FAH: variants seen among roughly 807,000 people sequenced by gnomAD.
FAH encodes the protein fumarylacetoacetate hydrolase, also known as fumarylacetoacetase.
FAH carries 47 observed loss-of-function variants against 55.8 expected under a neutral mutation model. That is an observed-to-expected ratio of 0.84 (90% confidence interval 0.67 to 1.07). The LOEUF (loss-of-function observed/expected upper bound fraction) is 1.07, where lower values mean the gene tolerates loss of function less well. Ranked by LOEUF, FAH falls within the 50% of genes least tolerant of loss-of-function variation. The probability of loss-of-function intolerance (pLI) is 0.00; values close to 1 mark genes in which losing one functional copy is unlikely to be tolerated. For missense variants in FAH, 495 were observed against 545.9 expected, an observed-to-expected ratio of 0.91 and a Z score of 0.93; for synonymous variants, 199 against 207.7, an observed-to-expected ratio of 0.96 and a Z score of 0.36.
rs1051755155 is a variant in FAH, at chr15:80,158,575, G to A, written c.192+405G>A. ...CCTCCAGTTCTGTGGAAGCAGCTAC[G>A]GAGGAGTCAGCCTGAAGTACATGTT... On this transcript the variant is annotated intron_variant, in intron 2 of 13. Transcript: ENST00000561421. Among the ~76,000 whole-genome samples the A allele has an allele frequency of 2.6e-5, 4 of 152,334 alleles. No homozygotes were observed. In the East Asian group the frequency reaches 5.8e-4, roughly 22 times the overall value.
intron 1 of FAH, among the ~76,000 whole-genome samples, chr15:80,154,727 A>T (rs1450241059): frequency 6.6e-6 from 1 of 152,164 alleles, no homozygotes; most frequent in Non-Finnish European, 1.5e-5. Context: ...TTTTTTATTC[A>T]GCGAATGCTT....
chr15:80,186,491 T>A (rs1196952177), downstream of FAH: 1 of 499,328 alleles, frequency 2.0e-6, no homozygotes, highest in African/African-American at 1.9e-5. Flanking sequence ...TTATTAGACA[T>A]CCCAGGCCTC....
At chr15:80,168,423 G>A (rs1464855543) in intron 7 of FAH, 107 bp downstream of exon 7, 1 of 1,105,804 alleles carries the variant, frequency 9.0e-7, no homozygotes, top group East Asian at 2.4e-5. Flanking sequence ...CTCCTCTTCA[G>A]CCACATCGGC....
chr15:80,168,371 G>C, intron 7 of FAH, 55 bp downstream of exon 7: 1 of 1,591,154 alleles, frequency 6.3e-7, no homozygotes, highest in Non-Finnish European at 8.6e-7. Context: ...CGGCAGGAGA[G>C]CCCTTTGGGA....
intron 7 of FAH, among the ~76,000 whole-genome samples, chr15:80,169,246 G>A (rs1287281842): frequency 6.6e-6 from 1 of 152,034 alleles, no homozygotes. Flanking sequence ...AGCTGGGGAT[G>A]GTGGTGGGTG....
intron 8 of FAH, 30 bp from the exon 9 acceptor site, chr15:80,172,984 G>T: frequency 1.2e-6 from 2 of 1,614,192 alleles, no homozygotes; most frequent in Non-Finnish European, 1.7e-6. Context: ...ATCAGCCTTT[G>T]TAAGTCCTGG....
At chr15:80,174,773 C>T (rs566854640) in intron 9 of FAH, among the ~76,000 whole-genome samples, 1 of 152,316 alleles carries the variant, frequency 6.6e-6, no homozygotes, top group African/African-American at 2.4e-5. Context: ...TGGTTTGGCT[C>T]CTGTGACCTT....
At position 80,153,145 on chromosome 15, in the gene FAH, G is replaced by C; in HGVS notation, c.81+10G>C. On this transcript the variant is annotated intron_variant, in intron 1 of 13. Transcript: ENST00000561421. Reference sequence around the variant, plus strand: ...CTCGACCAGAGGCGACGTGAGCAGTGGGGCTTTGGCGTCCGGGCGCGGGGA... The same window carrying C: ...CTCGACCAGAGGCGACGTGAGCAGTCGGGCTTTGGCGTCCGGGCGCGGGGA... 6.2e-7 allele frequency: 1 copy of C among 1,606,860 alleles called. No individual in the cohort carries two copies. The highest frequency in any genetic ancestry group is 8.5e-7 in the Non-Finnish European group (1 of 1,177,660).
intron 5 of FAH, 172 bp downstream of exon 5, chr15:80,162,508 C>T (rs1394982189): frequency 1.4e-6 from 1 of 692,822 alleles, no homozygotes; most frequent in Non-Finnish European, 2.6e-6. Context: ...TCCTGCTCAG[C>T]TTGGCTTAGG....
chr15:80,171,408 A>G (rs1437453621), intron 7 of FAH, among the ~76,000 whole-genome samples: 1 of 152,116 alleles, frequency 6.6e-6, no homozygotes, highest in Non-Finnish European at 1.5e-5. Flanking sequence ...AAAACCAAAC[A>G]CTGCATGTTC....
At chr15:80,153,181 T>C in intron 1 of FAH, 46 bp downstream of exon 1, 1 of 955,984 alleles carries the variant, frequency 1.0e-6, no homozygotes, top group Non-Finnish European at 1.6e-6. Context: ...GGGAGTGGAG[T>C]GGAGTGGAGT....
Position 80,177,449 on chromosome 15 carries a change from A to C in FAH, c.914-88A>C, listed in dbSNP as rs1373947961. On this transcript the variant is annotated intron_variant, in intron 10 of 13. Coordinates refer to ENST00000561421, the MANE Select transcript of FAH (RefSeq NM_000137.4). ...AGTGAAATCATGTTGGACAATGGGA[A>C]GCTTCAGCCACAGAACAATTCTTTT... 5 of 1,134,044 alleles carry C rather than the reference A, an allele frequency of 4.4e-6. No homozygotes were observed. The Admixed American group carries it at 8.6e-5, about 20-fold the overall frequency. 70.2% of individuals were successfully genotyped at this position (1,134,044 alleles called of 1,614,324 possible). A position where few individuals can be genotyped will look rare whatever the true frequency, so the allele number is the denominator to read the frequency against.
At chr15:80,168,840 A>T (rs938814539) in intron 7 of FAH, among the ~76,000 whole-genome samples, 2 of 152,184 alleles carry the variant, frequency 1.3e-5, no homozygotes, top group African/African-American at 2.4e-5. Context: ...TATGGAGAGA[A>T]TATGCGTGTT....
At chr15:80,162,499 C>T (rs1291175232) in intron 5 of FAH, 163 bp downstream of exon 5, 3 of 707,264 alleles carry the variant, frequency 4.2e-6, no homozygotes, top group Non-Finnish European at 7.6e-6. Flanking sequence ...CTTCTGGTCT[C>T]CTGCTCAGCT....
Position 80,172,182 on chromosome 15 carries a change from G to A in FAH, c.640G>A (p.Glu214Lys). 1.2e-6 allele frequency: 2 copies of A among 1,614,128 alleles called. No individual in the cohort carries two copies. The highest frequency in any genetic ancestry group is 1.7e-6 in the Non-Finnish European group (2 of 1,180,002). Residue 214 changes from glutamate to lysine, a missense_variant, in exon 8 of 14, where the codon GAG becomes AAG. Coordinates refer to ENST00000561421, the MANE Select transcript of FAH (RefSeq NM_000137.4). The stretch of plus-strand genomic sequence containing the variant: ...TGTAGGCCCTGGAAACAGATTGGGA[G>A]AGCCGATCCCCATTTCCAAGGCCCA... ...FFVGPGNRLG[E>K]PIPISKAHEH...
At chr15:80,183,289 T>A (rs1349068544) in intron 13 of FAH, among the ~76,000 whole-genome samples, 1 of 152,184 alleles carries the variant, frequency 6.6e-6, no homozygotes, top group Admixed American at 6.5e-5. Context: ...AGGAGAGGCA[T>A]ACATTATGTG....
chr15:80,157,981 A>G (rs1302831097), intron 1 of FAH, 79 bp from the exon 2 acceptor site: 39 of 1,060,674 alleles, frequency 3.7e-5, no homozygotes, highest in Middle Eastern at 5.5e-4. Flanking sequence ...GGACTCTTCA[A>G]TAGATAGGCT....
chr15:80,177,409 G>T, intron 10 of FAH, 128 bp from the exon 11 acceptor site: 3 of 887,014 alleles, frequency 3.4e-6, no homozygotes, highest in Non-Finnish European at 3.7e-6. Context: ...GGAGCTAATT[G>T]TTTCACAGAC....
chr15:80,175,224 C>T, intron 10 of FAH, 133 bp downstream of exon 10: 1 of 826,038 alleles, frequency 1.2e-6, no homozygotes, highest in South Asian at 1.4e-5. Flanking sequence ...TGTGGCTCGT[C>T]TAAAGGAAAG....
Sources: gnomAD v4.1 joint callset for allele counts (sites outside exome capture counted in the v4.1 genomes callset) on GRCh38, gnomAD v4.1.1 for gene constraint, MANE v1.5 for transcripts, NCBI Gene and HGNC (gene_info 2026-07-23, HGNC 2026-07-21) for gene names.